Variants in CUX2 observed in about 807,000 individuals in gnomAD.
CUX2 encodes cut like homeobox 2.
In CUX2, 40 loss-of-function variants were observed where a neutral mutation model predicts 144.8. That is an observed-to-expected ratio of 0.28 (90% CI 0.21 to 0.36). The LOEUF is 0.36. Among genes scored for constraint, CUX2 ranks in the 10% least tolerant of loss-of-function variants. The pLI is 1.00. For synonymous variants in CUX2, 827 were observed against 875.6 expected (o/e 0.94, Z 0.98); for missense variants, 1,615 against 1,994.0 (o/e 0.81, Z 3.62).
chr12:111,195,560 C>CT (rs1031818449), intron 1 of CUX2, among the ~76,000 whole-genome samples: 2 of 152,212 alleles, frequency 1.3e-5, no homozygotes, highest in African/African-American at 2.4e-5. Context: ...GGTGGAGCAT[C>CT]TTGTGGACTG....
Position 111,061,716 on chromosome 12 carries a change from C to T in CUX2, c.63+27476C>T, listed in dbSNP as rs1004288534. On this transcript the variant is annotated intron_variant, in intron 1 of 21. Transcript: ENST00000261726. The surrounding 1 kb of genome is among the most constrained non-coding windows in gnomAD (Gnocchi z 4.2). ...GATGTTCTGTGAAGTGAGTGGGTCACTCTCCCCTCAGCCTGGCCCTGGCCC... is the reference window on the plus strand; with the variant it reads ...GATGTTCTGTGAAGTGAGTGGGTCATTCTCCCCTCAGCCTGGCCCTGGCCC... Among the ~76,000 whole-genome samples, 2 of 152,170 alleles carry T rather than the reference C, an allele frequency of 1.3e-5. No homozygotes were observed. The highest frequency in any genetic ancestry group is 2.4e-5 in the African/African-American group (1 of 41,408).
At chr12:111,090,819 ACT>A (rs985420940) in intron 1 of CUX2, among the ~76,000 whole-genome samples, 53 of 147,024 alleles carry the variant, frequency 3.6e-4, no homozygotes, top group African/African-American at 1.3e-3. Flanking sequence ...GCTACTTCTC[ACT>A]CTCTCTGTTT....
At chr12:111,241,249 C>T (rs371930187) in intron 3 of CUX2, among the ~76,000 whole-genome samples, 50 of 152,096 alleles carry the variant, frequency 3.3e-4, no homozygotes, top group African/African-American at 1.2e-3. Context: ...AATCCATTCC[C>T]AAGAGAGGAC....
intron 19 of CUX2, 33 bp from the exon 20 acceptor site, chr12:111,338,252 CG>C: frequency 3.2e-6 from 5 of 1,566,412 alleles, no homozygotes; most frequent in Non-Finnish European, 4.3e-6. Flanking sequence ...TGCCCAGCCT[CG>C]GGTAACAGAT....
chr12:111,199,837 A>ATGTGTCTGTGTGTGCATTTATGTGTC (rs1193784169), intron 1 of CUX2, among the ~76,000 whole-genome samples: 6 of 149,528 alleles, frequency 4.0e-5, no homozygotes, highest in African/African-American at 1.5e-4. Context: ...GTGTGTATGT[A>ATGTGTCTGTGTGTGCATTTATGTGTC]TGTGTCTGTG....
At position 111,039,039 on chromosome 12, in the gene CUX2, C is replaced by T. The variant is rs1869606186; in HGVS notation, c.63+4799C>T. 6.6e-6 allele frequency among the ~76,000 whole-genome samples: 1 copy of T among 151,884 alleles called. No homozygotes were observed. The highest frequency in any genetic ancestry group is 1.5e-5 in the Non-Finnish European group (1 of 67,982). ...TCTGTCATGGTAACCTTTCTTCCGG[C>T]AGATGGGATTTCAAACGTGAGCACC... On this transcript the variant is annotated intron_variant, in intron 1 of 21. Coordinates refer to ENST00000261726, the MANE Select transcript of CUX2 (RefSeq NM_015267.4). This position sits in a 1 kb window ranked among gnomAD's most constrained non-coding sequence, Gnocchi z 4.2.
intron 15 of CUX2, among the ~76,000 whole-genome samples, chr12:111,311,598 T>C (rs1886902208): frequency 1.7e-5 from 2 of 117,078 alleles, no homozygotes; most frequent in Admixed American, 7.7e-5. Context: ...TTCTTTATTA[T>C]TATTATTTTT....
intron 1 of CUX2, among the ~76,000 whole-genome samples, chr12:111,100,382 C>CT (rs2136067361): frequency 6.6e-6 from 1 of 151,690 alleles, no homozygotes; most frequent in Admixed American, 6.6e-5. Context: ...CTGCCTATCT[C>CT]TGTGTGTGCA....
intron 8 of CUX2, 34 bp from the exon 9 acceptor site, chr12:111,298,507 A>T (rs1565900495): frequency 6.4e-7 from 1 of 1,555,666 alleles, no homozygotes. Flanking sequence ...GCCCGCCGGA[A>T]GCCCTTCCTC....
intron 1 of CUX2, among the ~76,000 whole-genome samples, chr12:111,207,790 G>C (rs1881004076): frequency 6.6e-6 from 1 of 152,078 alleles, no homozygotes; most frequent in African/African-American, 2.4e-5. Context: ...AAAAAAATCT[G>C]GTAGCAAATA....
intron 18 of CUX2, among the ~76,000 whole-genome samples, chr12:111,333,131 C>T (rs1278215826): frequency 6.6e-6 from 1 of 152,144 alleles, no homozygotes; most frequent in Admixed American, 6.6e-5. Flanking sequence ...ATCTCTTGAA[C>T]CCGTGAGGTG....
chr12:111,280,435 G>A (rs1197541656), intron 4 of CUX2, among the ~76,000 whole-genome samples: 1 of 152,168 alleles, frequency 6.6e-6, no homozygotes, highest in African/African-American at 2.4e-5. Context: ...CTCCCCTAGA[G>A]CCTTGGAGAG....
chr12:111,112,756 T>C (rs1280283652), intron 1 of CUX2, among the ~76,000 whole-genome samples: 2 of 152,250 alleles, frequency 1.3e-5, no homozygotes, highest in Non-Finnish European at 2.9e-5. Flanking sequence ...AAGAAGTTCA[T>C]GTTTTTCAGC....
intron 4 of CUX2, among the ~76,000 whole-genome samples, chr12:111,272,949 C>T (rs1249979630): frequency 6.6e-6 from 1 of 152,146 alleles, no homozygotes; most frequent in African/African-American, 2.4e-5. Context: ...GGGAGGTGTT[C>T]AGTAAAGGCC....
At chr12:111,328,478 A>C (rs149027397) in intron 18 of CUX2, among the ~76,000 whole-genome samples, 35 of 152,296 alleles carry the variant, frequency 2.3e-4, no homozygotes, top group African/African-American at 7.7e-4. Flanking sequence ...GAGGTTTCTC[A>C]GAATTCTCAA....
At chr12:111,047,268 T>C (rs1348872977) in intron 1 of CUX2, among the ~76,000 whole-genome samples, 1 of 152,154 alleles carries the variant, frequency 6.6e-6, no homozygotes, top group East Asian at 1.9e-4. Flanking sequence ...ATTTAGTCAA[T>C]ATGGCCTCCC....
chr12:111,188,675 A>G (rs573639318), intron 1 of CUX2, among the ~76,000 whole-genome samples: 23 of 152,266 alleles, frequency 1.5e-4, no homozygotes, highest in South Asian at 1.2e-3. Flanking sequence ...GGGCGGGGCC[A>G]GGTCACACTC....
In CUX2 at chr12:111,224,552, T is replaced by C. The variant is rs926433293; in HGVS notation, c.222+6615T>C. ...TTTTTTTTTTTGCCTTTTAACGTTA[T>C]TTGCTCTTCCAGCTGTCTTTGATGG... On this transcript the variant is annotated intron_variant, in intron 3 of 21. Coordinates refer to ENST00000261726, the MANE Select transcript of CUX2 (RefSeq NM_015267.4). 3.3e-5 allele frequency among the ~76,000 whole-genome samples: 5 copies of C among 150,492 alleles called. No homozygotes were observed. In the East Asian group the frequency reaches 7.8e-4, roughly 24 times the overall value.
At position 111,104,911 on chromosome 12, in the gene CUX2, A is replaced by G. The variant is rs143292672; in HGVS notation, c.63+70671A>G. On this transcript the variant is annotated intron_variant, in intron 1 of 21. Coordinates refer to ENST00000261726, the MANE Select transcript of CUX2 (RefSeq NM_015267.4). Reference sequence around the variant, plus strand: ...AGAATGTGGATGCTTCTTTTGAAGAAAGGACAGGGATAGGGAGGGGACCCT... The same window carrying G: ...AGAATGTGGATGCTTCTTTTGAAGAGAGGACAGGGATAGGGAGGGGACCCT... Among the ~76,000 whole-genome samples the G allele has an allele frequency of 1.2e-4, 19 of 152,244 alleles. No individual in the cohort carries two copies. The South Asian group carries it at 2.1e-3, about 17-fold the overall frequency.
Sources: allele counts gnomAD v4.1 joint callset (sites outside exome capture counted in the v4.1 genomes callset), GRCh38; gene constraint gnomAD v4.1.1; non-coding constraint Gnocchi (gnomAD v3.1); transcripts MANE v1.5; gene names NCBI Gene and HGNC (gene_info 2026-07-23, HGNC 2026-07-21).